FGFR2: variants seen among roughly 807,000 people sequenced by gnomAD.
The protein encoded by FGFR2 is BEK fibroblast growth factor receptor.
FGFR2 carries 19 observed loss-of-function variants against 95.9 expected under a neutral mutation model. That is an observed-to-expected ratio of 0.20 (90% CI 0.14 to 0.29). The LOEUF (loss-of-function observed/expected upper bound fraction) is 0.29, where lower values mean the gene tolerates loss of function less well. FGFR2 is among the 10% of genes least tolerant of loss of function. FGFR2 has a pLI of 1.00. For missense variants in FGFR2, 707 were observed against 1,056.9 expected (o/e 0.67, Z 4.59); for synonymous variants, 392 against 393.3 (o/e 1.00, Z 0.04).
At chr10:121,480,570 G>T (rs770958109) in intron 17 of FGFR2, 8 of 223,836 alleles carry the variant, frequency 3.6e-5, no homozygotes, top group Admixed American at 1.5e-4. Flanking sequence ...AATTGAAGGG[G>T]AATACTTCTT....
intron 5 of FGFR2, among the ~76,000 whole-genome samples, chr10:121,549,493 C>T (rs887155282): frequency 5.3e-5 from 8 of 152,172 alleles, no homozygotes; most frequent in African/African-American, 1.7e-4. Flanking sequence ...TTCCGGTGAT[C>T]CCCTTGTCTC....
chr10:121,526,877 T>A, intron 6 of FGFR2: 1 of 397,588 alleles, frequency 2.5e-6, no homozygotes, highest in Non-Finnish European at 4.4e-6. Flanking sequence ...GATATCTGAC[T>A]CTCGGAAGTC....
chr10:121,585,524 T>C (rs1463402118), intron 2 of FGFR2, among the ~76,000 whole-genome samples: 1 of 152,198 alleles, frequency 6.6e-6, no homozygotes, highest in Non-Finnish European at 1.5e-5. Context: ...AATCTGCACA[T>C]TCACCCTTCA....
chr10:121,509,482 C>CT lies in FGFR2; in HGVS notation c.1288-5542dup, dbSNP rs67778522. ...AGAAACAGTGTTATCTGTTTCTTTT[C>CT]TTTTTTTTTTTTTTTTTTTTTTTTT... is the stretch of plus-strand genomic sequence containing the variant. On this transcript the variant is annotated intron_variant, in intron 9 of 17. Coordinates refer to ENST00000358487, the MANE Select transcript of FGFR2 (RefSeq NM_000141.5). 1.8e-3 allele frequency among the ~76,000 whole-genome samples: 80 copies of CT among 45,346 alleles called. 4 individuals are homozygous for CT. Among genetic ancestry groups the CT allele is most frequent in the African/African-American group, 6.7e-3 (77 of 11,562 alleles). The allele number at this position is 45,346 out of a possible 152,430, so 29.7% of individuals were successfully genotyped here.
intron 2 of FGFR2, among the ~76,000 whole-genome samples, chr10:121,587,101 C>T (rs1353681512): frequency 1.3e-5 from 2 of 152,118 alleles, no homozygotes; most frequent in African/African-American, 2.4e-5. Context: ...ACACACCTAC[C>T]GCACACCTAC....
chr10:121,518,081 T>C lies in FGFR2; in HGVS notation c.940-618A>G. On this transcript the variant is annotated intron_variant, in intron 7 of 17. Coordinates refer to ENST00000358487, the MANE Select transcript of FGFR2 (RefSeq NM_000141.5). This position sits in a 1 kb window ranked among gnomAD's most constrained non-coding sequence, Gnocchi z 4.0. Reference sequence around the variant, plus strand: ...CAAAAAAACTGGGCTTTTTCTCTTTTCATTAATAAACATTTGGATGTGAGT... The same window carrying C: ...CAAAAAAACTGGGCTTTTTCTCTTTCCATTAATAAACATTTGGATGTGAGT... 2.0e-6 allele frequency: 1 copy of C among 491,600 alleles called. No individual in the cohort carries two copies. The highest frequency in any genetic ancestry group is 3.3e-4 in the Middle Eastern group (1 of 3,012). The allele number at this position is 491,600 out of a possible 1,614,324, so 30.5% of individuals were successfully genotyped here.
At chr10:121,496,783 C>A (rs2133947563) in intron 12 of FGFR2, 61 bp from the exon 13 acceptor site, 27 of 1,388,608 alleles carry the variant, frequency 1.9e-5, no homozygotes, top group Non-Finnish European at 2.5e-5. Context: ...TTGGGCAATT[C>A]AGCAAAACAT....
Position 121,506,385 on chromosome 10 carries a change from G to GCAATGGGA in FGFR2, c.1288-2452_1288-2445dup, listed in dbSNP as rs898006827. Among the ~76,000 whole-genome samples the GCAATGGGA allele has an allele frequency of 6.2e-5, 9 of 145,180 alleles. 1 individual carries two copies. In the South Asian group the frequency reaches 8.7e-4, roughly 14 times the overall value. ...AAAAAAAAAAAAAAAAAGAGGCCTAGCAATGGGACGACTTCCGCAAATGGC... is the reference window on the plus strand; with the variant it reads ...AAAAAAAAAAAAAAAAAGAGGCCTAGCAATGGGACAATGGGACGACTTCCGCAAATGGC... On this transcript the variant is annotated intron_variant, in intron 9 of 17. Transcript: ENST00000358487.
rs1367082521 is a variant in FGFR2, at chr10:121,565,675, G to C, written c.139C>G (p.Pro47Ala). The change falls in exon 3 of 18, where the codon CCA (proline) becomes GCA (alanine). Residue 47 changes from proline (P) to alanine (A), a missense_variant. Pro to Ala is a conservative substitution (Grantham distance 27, BLOSUM62 -1). Transcript: ENST00000358487. ...EPPTKYQISQPEVYVAAPGES... is the reference protein window; with the variant it reads ...EPPTKYQISQAEVYVAAPGES... ...CCTGGCGCAGCCACGTACACTTCTG[G>C]TTGAGAGATTTGGTATTTGGTTGGT... The C allele has an allele frequency of 6.2e-7, 1 of 1,614,096 alleles. No homozygotes were observed. Among genetic ancestry groups the C allele is most frequent in the Non-Finnish European group, 8.5e-7 (1 of 1,180,066 alleles).
Position 121,485,262 on chromosome 10 carries a change from C to G in FGFR2, c.2195+133G>C, listed in dbSNP as rs2133789478. The G allele has an allele frequency of 1.6e-6, 2 of 1,212,948 alleles. No homozygotes were observed. Among genetic ancestry groups the G allele is most frequent in the Non-Finnish European group, 2.4e-6 (2 of 821,014 alleles). 75.1% of individuals were successfully genotyped at this position (1,212,948 alleles called of 1,614,324 possible). A position where few individuals can be genotyped will look rare whatever the true frequency, so the allele number is the denominator to read the frequency against. On this transcript the variant is annotated intron_variant, in intron 16 of 17. Transcript: ENST00000358487. The surrounding 1 kb of genome is among the most constrained non-coding windows in gnomAD (Gnocchi z 4.2). ...ATGTATCCCAGCTCTGGATTGAGCC[C>G]AGAGAGCTTCAGCCATTCTTCTTAG... is the stretch of plus-strand genomic sequence containing the variant.
At chr10:121,561,038 C>T (rs1268201132) in intron 4 of FGFR2, among the ~76,000 whole-genome samples, 1 of 152,170 alleles carries the variant, frequency 6.6e-6, no homozygotes, top group African/African-American at 2.4e-5. Context: ...CTCTTTTGCC[C>T]CAGCTGCTAG....
chr10:121,496,407 T>A, intron 13 of FGFR2, 125 bp downstream of exon 13: 3 of 961,610 alleles, frequency 3.1e-6, no homozygotes, highest in Non-Finnish European at 5.0e-6. Flanking sequence ...GCAATAAATA[T>A]TTTCCAGGTT....
chr10:121,491,998 G>T (rs1170490576), intron 13 of FGFR2, among the ~76,000 whole-genome samples: 1 of 151,810 alleles, frequency 6.6e-6, no homozygotes. Context: ...GGCCAACATG[G>T]TATGGTAAAA....
chr10:121,570,458 G>A (rs992478624), intron 2 of FGFR2, among the ~76,000 whole-genome samples: 10 of 152,234 alleles, frequency 6.6e-5, no homozygotes, highest in Admixed American at 5.2e-4. Flanking sequence ...CCACCAGGCT[G>A]CACAGCCTGC....
chr10:121,478,744 C>G lies in FGFR2; in HGVS notation c.*1113G>C, dbSNP rs1844316984. 1 of 233,592 alleles carries G rather than the reference C, an allele frequency of 4.3e-6. No individual in the cohort carries two copies. The highest frequency in any genetic ancestry group is 8.5e-6 in the Non-Finnish European group (1 of 117,974). The allele number at this position is 233,592 out of a possible 1,614,324, so 14.5% of individuals were successfully genotyped here. ...TCTCCAACGCCAAAGAGTCTGGAAG[C>G]CATTATCAAAATTCACTGAAGAGAA... On this transcript the variant is annotated 3_prime_UTR_variant, in exon 18 of 18. Transcript: ENST00000358487.
At chr10:121,564,312 G>A (rs1857363524) in intron 4 of FGFR2, 190 bp downstream of exon 4, 7 of 615,582 alleles carry the variant, frequency 1.1e-5, no homozygotes, top group East Asian at 5.5e-5. Flanking sequence ...AAGGACAAAC[G>A]ATAGAGAAGG....
intron 2 of FGFR2, among the ~76,000 whole-genome samples, chr10:121,587,571 A>G (rs1590106246): frequency 6.6e-6 from 1 of 152,320 alleles, no homozygotes; most frequent in East Asian, 1.9e-4. Flanking sequence ...AAAAACAAAT[A>G]ACCACATAAA....
intron 6 of FGFR2, among the ~76,000 whole-genome samples, chr10:121,521,126 T>C (rs1301553183): frequency 6.6e-6 from 1 of 152,234 alleles, no homozygotes; most frequent in Non-Finnish European, 1.5e-5. Context: ...ATATCAGGTG[T>C]TACTCTATGC....
intron 2 of FGFR2, among the ~76,000 whole-genome samples, chr10:121,582,453 G>A (rs143150657): frequency 6.6e-6 from 1 of 152,076 alleles, no homozygotes; most frequent in Non-Finnish European, 1.5e-5. Flanking sequence ...AGTTGTCATC[G>A]CACGGGGAGC....
Sources: gnomAD v4.1 joint callset for allele counts (sites outside exome capture counted in the v4.1 genomes callset) on GRCh38, gnomAD v4.1.1 for gene constraint, Gnocchi (gnomAD v3.1) non-coding constraint, MANE v1.5 for transcripts, NCBI Gene and HGNC (gene_info 2026-07-23, HGNC 2026-07-21) for gene names.